Variants in COL4A2 observed in about 807,000 individuals in gnomAD.
The protein encoded by COL4A2 is collagen type IV alpha 2 chain.
Under a neutral mutation model 200.2 loss-of-function variants are expected in COL4A2, and 99 were observed. The observed-to-expected ratio is 0.49, with a 90% CI of 0.42 to 0.58. The LOEUF (loss-of-function observed/expected upper bound fraction) is 0.58, where lower values mean the gene tolerates loss of function less well. COL4A2 is among the 20% of genes least tolerant of loss of function. The pLI is 0.00. For missense variants in COL4A2, 1,950 were observed against 2,314.1 expected (o/e 0.84, Z 3.23); for synonymous variants, 897 against 900.6 (o/e 1.00, Z 0.07).
At position 110,469,264 on chromosome 13, in the gene COL4A2, G is replaced by A; in HGVS notation, c.2143G>A (p.Gly715Arg). Residue 715 changes from glycine (G) to arginine (R), a missense_variant, in exon 28 of 48, where the codon GGA becomes AGA. Physicochemically the swap from Gly to Arg is moderately radical, Grantham distance 125. Around this residue, in one of 2 missense-constraint regions of COL4A2, gnomAD observed 1,385 missense variants for 1,720.5 expected, o/e 0.80. Coordinates refer to ENST00000360467, the MANE Select transcript of COL4A2 (RefSeq NM_001846.4). ...GIPGFAGADG[G>R]PGPRGLPGDA... ...CCCAGGCTTCGCAGGAGCTGATGGA[G>A]GACCAGGGCCCAGGGGCTTGCCAGG... 2 of 1,604,400 alleles carry A rather than the reference G, an allele frequency of 1.2e-6. No individual in the cohort carries two copies. Among genetic ancestry groups the A allele is most frequent in the Middle Eastern group, 1.7e-4 (1 of 5,992 alleles).
chr13:110,447,840 G>A (rs1881389580), intron 18 of COL4A2, among the ~76,000 whole-genome samples: 1 of 152,128 alleles, frequency 6.6e-6, no homozygotes, highest in Non-Finnish European at 1.5e-5. Flanking sequence ...AACTCAGCAG[G>A]TCACCTGGTC....
At chr13:110,336,365 C>T (rs1386978110) in intron 3 of COL4A2, among the ~76,000 whole-genome samples, 1 of 152,092 alleles carries the variant, frequency 6.6e-6, no homozygotes, top group African/African-American at 2.4e-5. Context: ...AAATGGGAAG[C>T]GAATATCAAA....
chr13:110,355,873 G>A (rs889746358), intron 3 of COL4A2, among the ~76,000 whole-genome samples: 1 of 147,696 alleles, frequency 6.8e-6, no homozygotes, highest in Non-Finnish European at 1.5e-5. Context: ...CACCTGTGTG[G>A]GGGCTGAGGG....
At chr13:110,336,053 T>C (rs1474434717) in intron 3 of COL4A2, among the ~76,000 whole-genome samples, 4 of 152,208 alleles carry the variant, frequency 2.6e-5, no homozygotes, top group African/African-American at 7.2e-5. Flanking sequence ...AGCTGACATA[T>C]GTGAAAATGA....
intron 43 of COL4A2, 151 bp downstream of exon 43, chr13:110,503,632 G>A: frequency 1.4e-6 from 1 of 718,070 alleles, no homozygotes; most frequent in South Asian, 1.9e-5. Flanking sequence ...TGCCTCGGAT[G>A]TTGTCACAGG....
At chr13:110,447,223 A>G (rs1362931716) in intron 18 of COL4A2, among the ~76,000 whole-genome samples, 3 of 152,212 alleles carry the variant, frequency 2.0e-5, no homozygotes, top group Admixed American at 6.5e-5. Flanking sequence ...CAGCAGCCCC[A>G]GCCGCCTTCG....
chr13:110,493,313 A>C, intron 39 of COL4A2, 31 bp downstream of exon 39: 1 of 1,611,408 alleles, frequency 6.2e-7, no homozygotes, highest in Non-Finnish European at 8.5e-7. Flanking sequence ...CCCGAGTCCC[A>C]CGCAGAGGTG....
intron 4 of COL4A2, among the ~76,000 whole-genome samples, chr13:110,396,906 A>G (rs1162535233): frequency 1.3e-5 from 2 of 152,238 alleles, no homozygotes; most frequent in Admixed American, 1.3e-4. Flanking sequence ...TCAGAGGTCT[A>G]GTCAATGTGC....
rs1325127359 is a variant in COL4A2, at chr13:110,336,191, C to T, written c.100-21281C>T. Among the ~76,000 whole-genome samples, 5 of 152,286 alleles carry T rather than the reference C, an allele frequency of 3.3e-5. No homozygotes were observed. The South Asian group carries it at 6.2e-4, about 19-fold the overall frequency. ...TTGAAGTAGAGAATTGAGAGTAGGC[C>T]ATTTCCTCTTTTCCTGGAAAATATT... On this transcript the variant is annotated intron_variant, in intron 3 of 47. Transcript: ENST00000360467.
chr13:110,376,371 C>T (rs1878238160), intron 4 of COL4A2, among the ~76,000 whole-genome samples: 1 of 152,108 alleles, frequency 6.6e-6, no homozygotes, highest in Non-Finnish European at 1.5e-5. Flanking sequence ...TGCTTGATAT[C>T]ACATGAGCCT....
At chr13:110,332,524 C>G (rs758474371) in intron 3 of COL4A2, among the ~76,000 whole-genome samples, 2 of 152,232 alleles carry the variant, frequency 1.3e-5, no homozygotes, top group Non-Finnish European at 2.9e-5. Context: ...GCACCTTCTT[C>G]TAGAGCACTT....
In COL4A2 at chr13:110,351,430, G is replaced by A. The variant is rs187560471; in HGVS notation, c.100-6042G>A. ...TTCTCTACCCTGCTCCTCCCTTGCC[G>A]GCGTGGGTTTTGTCCCTAAGAACTG... is the stretch of plus-strand genomic sequence containing the variant. On this transcript the variant is annotated intron_variant, in intron 3 of 47. Coordinates refer to ENST00000360467, the MANE Select transcript of COL4A2 (RefSeq NM_001846.4). Among the ~76,000 whole-genome samples, 412 of 152,216 alleles carry A rather than the reference G, an allele frequency of 2.7e-3. 1 individual carries two copies. Among genetic ancestry groups the A allele is most frequent in the African/African-American group, 9.4e-3 (392 of 41,534 alleles).
At chr13:110,489,146 G>A (rs1457646153) in intron 34 of COL4A2, among the ~76,000 whole-genome samples, 2 of 152,168 alleles carry the variant, frequency 1.3e-5, no homozygotes, top group Admixed American at 6.5e-5. Context: ...TGAGACGGAA[G>A]GATGACTTGA....
At chr13:110,466,472 G>C (rs185398200) in intron 26 of COL4A2, among the ~76,000 whole-genome samples, 1 of 152,262 alleles carries the variant, frequency 6.6e-6, no homozygotes, top group Non-Finnish European at 1.5e-5. Flanking sequence ...GACTGTTCTT[G>C]CAAGAGAGCC....
At chr13:110,367,078 G>A (rs1877787147) in intron 4 of COL4A2, among the ~76,000 whole-genome samples, 1 of 152,158 alleles carries the variant, frequency 6.6e-6, no homozygotes, top group Admixed American at 6.5e-5. Flanking sequence ...TTGCATTCTA[G>A]GAGAATGGCA....
chr13:110,478,649 C>T (rs1056103053), intron 30 of COL4A2, among the ~76,000 whole-genome samples: 3 of 152,184 alleles, frequency 2.0e-5, no homozygotes, highest in Non-Finnish European at 4.4e-5. Flanking sequence ...CATCCATGGG[C>T]ATTGCCCACC....
chr13:110,467,198 C>A (rs961117685), intron 27 of COL4A2, 102 bp downstream of exon 27: 5 of 1,460,188 alleles, frequency 3.4e-6, no homozygotes, highest in Admixed American at 1.9e-5. Flanking sequence ...GCATCCCCCA[C>A]CCCAGACATG....
At chr13:110,469,451 T>G (rs1566551879) in intron 28 of COL4A2, 127 bp downstream of exon 28, 1 of 998,648 alleles carries the variant, frequency 1.0e-6, no homozygotes, top group East Asian at 2.7e-5. Context: ...TGACAACTTT[T>G]GCATTTGTCC....
intron 3 of COL4A2, among the ~76,000 whole-genome samples, chr13:110,350,422 GGAGGGA>G (rs1566487175): frequency 1.3e-5 from 2 of 152,114 alleles, no homozygotes; most frequent in African/African-American, 4.8e-5. Context: ...TTTAGCACTT[GGAGGGA>G]TTAGAGGCTC....
Sources: allele counts gnomAD v4.1 joint callset (sites outside exome capture counted in the v4.1 genomes callset), GRCh38; gene constraint gnomAD v4.1.1; regional missense constraint gnomAD v4.1.1; transcripts MANE v1.5; gene names NCBI Gene and HGNC (gene_info 2026-07-23, HGNC 2026-07-21).